RORA: variants seen among roughly 807,000 people sequenced by gnomAD.
The protein encoded by RORA is nuclear receptor ROR-alpha.
RORA carries 7 observed loss-of-function variants against 69.5 expected under a neutral mutation model. The observed-to-expected ratio is 0.10, with a 90% confidence interval of 0.06 to 0.19. The LOEUF is 0.19. Ranked by LOEUF, RORA falls within the 10% of genes least tolerant of loss-of-function variation. The pLI is 1.00. For synonymous variants in RORA, 261 were observed against 240.8 expected, an observed-to-expected ratio of 1.08 and a Z score of -0.78; for missense variants, 457 against 663.0, an observed-to-expected ratio of 0.69 and a Z score of 3.41.
At chr15:60,885,536 C>T (rs1031900935) in intron 1 of RORA, among the ~76,000 whole-genome samples, 1 of 152,190 alleles carries the variant, frequency 6.6e-6, no homozygotes, top group East Asian at 1.9e-4. Context: ...GCGGCTTTGG[C>T]TACAGAATTC....
chr15:61,174,881 T>G (rs1433895853), intron 1 of RORA, among the ~76,000 whole-genome samples: 1 of 152,184 alleles, frequency 6.6e-6, no homozygotes, highest in East Asian at 1.9e-4. Context: ...TTACCATCAT[T>G]TTCTACATGA....
At chr15:60,545,626 C>CAA (rs2067044725) in intron 2 of RORA, among the ~76,000 whole-genome samples, 1 of 152,094 alleles carries the variant, frequency 6.6e-6, no homozygotes, top group East Asian at 1.9e-4. Context: ...AAGCCTTTTC[C>CAA]CTCTTCTGGT....
At chr15:60,800,550 T>C (rs1595724664) in intron 1 of RORA, among the ~76,000 whole-genome samples, 1 of 152,326 alleles carries the variant, frequency 6.6e-6, no homozygotes, top group East Asian at 1.9e-4. Flanking sequence ...TCTTGAAGGC[T>C]GGGACAGCAC....
At chr15:61,112,153 G>A (rs1297072899) in intron 1 of RORA, among the ~76,000 whole-genome samples, 2 of 152,180 alleles carry the variant, frequency 1.3e-5, no homozygotes, top group Non-Finnish European at 1.5e-5. Flanking sequence ...CTGAGAGTAA[G>A]CCTTTTAAAC....
intron 1 of RORA, among the ~76,000 whole-genome samples, chr15:60,838,246 C>A (rs1293143479): frequency 6.6e-6 from 1 of 151,872 alleles, no homozygotes; most frequent in Non-Finnish European, 1.5e-5. Flanking sequence ...TATCTACCAA[C>A]AACCCTAGAA....
At chr15:60,644,630 T>C (rs532785858) in intron 2 of RORA, among the ~76,000 whole-genome samples, 1 of 152,320 alleles carries the variant, frequency 6.6e-6, no homozygotes, top group South Asian at 2.1e-4. Context: ...TTTAGACCAA[T>C]CTATTTGAGC....
intron 1 of RORA, among the ~76,000 whole-genome samples, chr15:61,195,504 A>C (rs2140920422): frequency 1.3e-5 from 2 of 152,120 alleles, no homozygotes; most frequent in Middle Eastern, 6.8e-3. Context: ...TATTACACAC[A>C]AACCATGACT....
At chr15:60,814,274 C>T (rs1049458197) in intron 1 of RORA, among the ~76,000 whole-genome samples, 1 of 152,118 alleles carries the variant, frequency 6.6e-6, no homozygotes, top group South Asian at 2.1e-4. Flanking sequence ...AATTAGCCAG[C>T]GTTCTTCAAG....
In RORA at chr15:61,214,835, T is replaced by C. The variant is rs544936189; in HGVS notation, c.166+14218A>G. 1.7e-4 allele frequency among the ~76,000 whole-genome samples: 25 copies of C among 151,446 alleles called. 1 individual carries two copies. The South Asian group carries it at 2.7e-3, about 16-fold the overall frequency. On this transcript the variant is annotated intron_variant, in intron 1 of 10. Transcript: ENST00000335670. ...GGGCGAAGGGATAATGTCACTGGAA[T>C]GTCATCAAAGTTTAACACCTTCTTG...
At chr15:60,964,901 C>A (rs1893510411) in intron 1 of RORA, among the ~76,000 whole-genome samples, 6 of 152,066 alleles carry the variant, frequency 3.9e-5, no homozygotes, top group Admixed American at 3.9e-4. Context: ...GGTGCAGGGG[C>A]AGTGGGTAAG....
At chr15:61,120,364 C>A (rs2079090998) in intron 1 of RORA, among the ~76,000 whole-genome samples, 3 of 151,102 alleles carry the variant, frequency 2.0e-5, no homozygotes, top group Admixed American at 1.3e-4. Flanking sequence ...GTCTGATATG[C>A]AAGCAGAGCT....
At chr15:60,688,100 T>C (rs2070773209) in intron 1 of RORA, among the ~76,000 whole-genome samples, 1 of 152,132 alleles carries the variant, frequency 6.6e-6, no homozygotes, top group African/African-American at 2.4e-5. Context: ...ATATTAGCAG[T>C]AGAGGATGGC....
chr15:60,631,889 C>G (rs540654334), intron 2 of RORA, among the ~76,000 whole-genome samples: 1 of 152,338 alleles, frequency 6.6e-6, no homozygotes, highest in Non-Finnish European at 1.5e-5. Flanking sequence ...CTTGTAAACA[C>G]TGGCTATCAA....
intron 1 of RORA, among the ~76,000 whole-genome samples, chr15:61,189,209 G>A (rs758745257): frequency 2.2e-4 from 33 of 152,016 alleles, no homozygotes; most frequent in Non-Finnish European, 2.8e-4. Flanking sequence ...TTGAATAAAC[G>A]CATTTTTACA....
chr15:61,173,967 C>A (rs1230959628), intron 1 of RORA, among the ~76,000 whole-genome samples: 1 of 152,194 alleles, frequency 6.6e-6, no homozygotes, highest in African/African-American at 2.4e-5. Context: ...GGTGAGGGGC[C>A]TGGGAATCTG....
intron 1 of RORA, among the ~76,000 whole-genome samples, chr15:60,948,318 G>C (rs1377545903): frequency 6.6e-6 from 1 of 151,724 alleles, no homozygotes; most frequent in East Asian, 1.9e-4. Flanking sequence ...TTTTTCTGGT[G>C]ATGCAAATAC....
At chr15:60,594,964 T>G (rs150856769) in intron 2 of RORA, among the ~76,000 whole-genome samples, 1 of 152,190 alleles carries the variant, frequency 6.6e-6, no homozygotes, top group Non-Finnish European at 1.5e-5. Flanking sequence ...GTCTTCAGCT[T>G]TTAACCCAGG....
At chr15:61,198,852 T>C (rs1240201105) in intron 1 of RORA, among the ~76,000 whole-genome samples, 1 of 152,150 alleles carries the variant, frequency 6.6e-6, no homozygotes, top group Non-Finnish European at 1.5e-5. Flanking sequence ...TACTAATTCC[T>C]ATGATTTCCC....
intron 2 of RORA, among the ~76,000 whole-genome samples, chr15:60,542,659 TCACA>T (rs1270172190): frequency 1.0e-5 from 1 of 95,750 alleles, no homozygotes; most frequent in African/African-American, 5.4e-5. Flanking sequence ...CGGGCACACC[TCACA>T]CACATGGCAC....
Sources: allele counts gnomAD v4.1 joint callset (sites outside exome capture counted in the v4.1 genomes callset), GRCh38; gene constraint gnomAD v4.1.1; transcripts MANE v1.5; gene names NCBI Gene and HGNC (gene_info 2026-07-23, HGNC 2026-07-21).